Variants in DNAH14 observed in about 807,000 individuals in gnomAD.
The protein encoded by DNAH14 is axonemal beta dynein heavy chain 14.
In DNAH14, 478 loss-of-function variants were observed where a neutral mutation model predicts 520.9. The ratio of observed to expected loss-of-function variants is 0.92; its 90% confidence interval spans 0.85 to 0.99. The LOEUF (loss-of-function observed/expected upper bound fraction) is 0.99, where lower values mean the gene tolerates loss of function less well. Among genes scored for constraint, DNAH14 ranks in the 50% least tolerant of loss-of-function variants. DNAH14 has a pLI of 0.00. For missense variants in DNAH14, 4,831 were observed against 5,234.5 expected, an observed-to-expected ratio of 0.92 and a Z score of 2.38; for synonymous variants, 1,581 against 1,757.2, an observed-to-expected ratio of 0.90 and a Z score of 2.51.
chr1:225,364,193 A>G (rs1194409090), intron 75 of DNAH14, among the ~76,000 whole-genome samples: 1 of 152,218 alleles, frequency 6.6e-6, no homozygotes, highest in Non-Finnish European at 1.5e-5. Context: ...ACTTGGTTAA[A>G]GTGGTTTCTG....
At chr1:225,282,425 C>G (rs1249990415) in intron 54 of DNAH14, among the ~76,000 whole-genome samples, 1 of 152,164 alleles carries the variant, frequency 6.6e-6, no homozygotes, top group East Asian at 1.9e-4. Context: ...TAGACCCTGT[C>G]CAATGCTGGA....
At chr1:225,279,523 G>A (rs1197133818) in intron 54 of DNAH14, among the ~76,000 whole-genome samples, 1 of 152,080 alleles carries the variant, frequency 6.6e-6, no homozygotes, top group Non-Finnish European at 1.5e-5. Context: ...ATCTAGATTG[G>A]ACAGTTCAAA....
At chr1:225,353,721 CAG>C (rs541128254) in intron 72 of DNAH14, 80 bp from the exon 73 acceptor site, 39 of 759,972 alleles carry the variant, frequency 5.1e-5, no homozygotes, top group Non-Finnish European at 8.1e-5. Flanking sequence ...AATTTTATGA[CAG>C]AAATTTTCAT....
At chr1:225,105,040 T>C (rs2075895741) in intron 23 of DNAH14, among the ~76,000 whole-genome samples, 1 of 152,226 alleles carries the variant, frequency 6.6e-6, no homozygotes, top group South Asian at 2.1e-4. Flanking sequence ...TAAATTTCCC[T>C]CGACACACTG....
chr1:224,934,840 A>C (rs1242966130), intron 1 of DNAH14, among the ~76,000 whole-genome samples: 1 of 151,902 alleles, frequency 6.6e-6, no homozygotes, highest in African/African-American at 2.4e-5. Flanking sequence ...CTCTGCAGAA[A>C]CCTTACAGGC....
chr1:225,151,649 G>A (rs2080511525), intron 31 of DNAH14, among the ~76,000 whole-genome samples: 1 of 152,168 alleles, frequency 6.6e-6, no homozygotes, highest in African/African-American at 2.4e-5. Flanking sequence ...TCTGTGCTGT[G>A]CCCCATTCTG....
At chr1:225,200,234 G>T (rs1012012517) in intron 38 of DNAH14, among the ~76,000 whole-genome samples, 12 of 152,096 alleles carry the variant, frequency 7.9e-5, no homozygotes, top group African/African-American at 2.9e-4. Context: ...TTATGTGTTA[G>T]GTGAGTCTCT....
Position 225,265,203 on chromosome 1 carries a change from A to G in DNAH14, c.7244A>G (p.Glu2415Gly). 2 of 1,485,578 alleles carry G rather than the reference A, an allele frequency of 1.3e-6. No homozygotes were observed. Among genetic ancestry groups the G allele is most frequent in the Non-Finnish European group, 1.8e-6 (2 of 1,124,476 alleles). 92.0% of individuals were successfully genotyped at this position (1,485,578 alleles called of 1,614,324 possible). A position where few individuals can be genotyped will look rare whatever the true frequency, so the allele number is the denominator to read the frequency against. The part of the protein sequence containing the change: ...GSSDNPTKKP[E>G]VRTNKKLLKN... The stretch of plus-strand genomic sequence containing the variant: ...ACAGATAATCCCACTAAAAAGCCAG[A>G]AGTTAGAACTAATAAAAAGTTACTT... The change falls in exon 48 of 86, where the codon GAA becomes GGA. Residue 2415 changes from glutamate (E) to glycine (G), a missense_variant. Coordinates refer to ENST00000682510, the MANE Select transcript of DNAH14 (RefSeq NM_001367479.1).
intron 1 of DNAH14, among the ~76,000 whole-genome samples, chr1:224,934,537 G>C (rs1329191609): frequency 6.6e-6 from 1 of 151,732 alleles, no homozygotes; most frequent in African/African-American, 2.4e-5. Flanking sequence ...CATGACATTT[G>C]GGACAATAAA....
Position 225,147,285 on chromosome 1 carries a change from A to T in DNAH14, c.4940+36A>T. 4 of 1,502,052 alleles carry T rather than the reference A, an allele frequency of 2.7e-6. 1 individual carries two copies. The South Asian group carries it at 5.4e-5, about 20-fold the overall frequency. 93.0% of individuals were successfully genotyped at this position (1,502,052 alleles called of 1,614,324 possible). A position where few individuals can be genotyped will look rare whatever the true frequency, so the allele number is the denominator to read the frequency against. On this transcript the variant is annotated intron_variant, in intron 31 of 85. Coordinates refer to ENST00000682510, the MANE Select transcript of DNAH14 (RefSeq NM_001367479.1). ...AATGTGTTTATACCTTTTGAATTGA[A>T]ATCTGATACACACTTAATGTTTAGT...
chr1:225,230,807 A>T (rs994995935), intron 41 of DNAH14, among the ~76,000 whole-genome samples: 2 of 152,166 alleles, frequency 1.3e-5, no homozygotes, highest in Admixed American at 6.5e-5. Context: ...GTCTTATTTT[A>T]AAAAGGATAG....
intron 76 of DNAH14, among the ~76,000 whole-genome samples, chr1:225,366,777 C>G (rs950196231): frequency 1.3e-5 from 2 of 151,224 alleles, no homozygotes; most frequent in African/African-American, 2.4e-5. Flanking sequence ...GCTTACACTC[C>G]AGGGGTTGTA....
chr1:225,029,498 CT>C (rs1034920684), intron 11 of DNAH14, among the ~76,000 whole-genome samples: 16 of 151,952 alleles, frequency 1.1e-4, no homozygotes, highest in African/African-American at 3.6e-4. Flanking sequence ...TTGTCAGATA[CT>C]TTGTTAGATC....
chr1:225,026,121 T>A (rs1435322171), intron 11 of DNAH14, among the ~76,000 whole-genome samples: 2 of 152,040 alleles, frequency 1.3e-5, no homozygotes, highest in South Asian at 4.1e-4. Flanking sequence ...CATGCTATCA[T>A]GCCCAACTAA....
chr1:225,102,102 CATTGTTCAATTCCCA>C (rs1373640427), intron 23 of DNAH14, among the ~76,000 whole-genome samples: 1 of 145,886 alleles, frequency 6.9e-6, no homozygotes, highest in Non-Finnish European at 1.5e-5. Context: ...CATGTGTTCT[CATTGTTCAATTCCCA>C]CCTATGAGTG....
intron 65 of DNAH14, among the ~76,000 whole-genome samples, chr1:225,332,642 A>C (rs1480085357): frequency 6.6e-6 from 1 of 152,016 alleles, no homozygotes; most frequent in African/African-American, 2.4e-5. Flanking sequence ...TGTTGCTGTT[A>C]TTATTGTTGT....
rs143194297 is a variant in DNAH14 at position 224,936,961 on chromosome 1, C to G, written c.-34+7126C>G. ...TACATCACATTAACTGAACCAGGAA[C>G]AAAAATCATATGATTATTTGATTAG... On this transcript the variant is annotated intron_variant, in intron 1 of 85. Transcript: ENST00000682510. Among the ~76,000 whole-genome samples the G allele has an allele frequency of 4.5e-3, 681 of 151,894 alleles. 2 individuals carry two copies. Among genetic ancestry groups the G allele is most frequent in the Non-Finnish European group, 7.5e-3 (508 of 67,800 alleles).
At chr1:224,938,584 T>C (rs1232181632) in intron 1 of DNAH14, among the ~76,000 whole-genome samples, 1 of 152,174 alleles carries the variant, frequency 6.6e-6, no homozygotes, top group Non-Finnish European at 1.5e-5. Context: ...CCTCATACAC[T>C]GTTGGTGGGA....
At chr1:224,960,372 G>A (rs987896125) in intron 4 of DNAH14, 70 bp downstream of exon 4, 2 of 1,387,322 alleles carry the variant, frequency 1.4e-6, no homozygotes, top group East Asian at 2.6e-5. Context: ...TGGTTTGTGT[G>A]CTTATATTGG....
Sources: allele counts gnomAD v4.1 joint callset (sites outside exome capture counted in the v4.1 genomes callset), GRCh38; gene constraint gnomAD v4.1.1; transcripts MANE v1.5; gene names NCBI Gene and HGNC (gene_info 2026-07-23, HGNC 2026-07-21).